SMCO2: variants seen among roughly 807,000 people sequenced by gnomAD.
SMCO2 encodes single-pass membrane and coiled-coil domain-containing protein 2.
Under a neutral mutation model 29.5 loss-of-function variants are expected in SMCO2, and 25 were observed. The ratio of observed to expected loss-of-function variants is 0.85; its 90% CI spans 0.62 to 1.18. The LOEUF is 1.18. Among genes scored for constraint, SMCO2 ranks in the 50% most tolerant of loss-of-function variants. The pLI is 0.00. For synonymous variants in SMCO2, 117 were observed against 123.3 expected (o/e 0.95, Z 0.34); for missense variants, 348 against 344.5 (o/e 1.01, Z -0.08).
At chr12:27,448,673 T>C in the SMCO2 span, among the ~76,000 whole-genome samples, 1 of 152,210 alleles carries the variant, frequency 6.6e-6, no homozygotes, top group African/African-American at 2.4e-5. Context: ...TTTTATAATG[T>C]GGTTCAAGGT....
At chr12:27,496,778 C>A (rs997476012) in intron 7 of SMCO2, among the ~76,000 whole-genome samples, 2 of 150,762 alleles carry the variant, frequency 1.3e-5, no homozygotes, top group Admixed American at 1.3e-4. Flanking sequence ...AGTTTATGTG[C>A]ACACCTTGCA....
At chr12:27,495,724 G>A (rs1235445038) in exon 7 of SMCO2, 2 of 1,533,506 alleles carry the variant, frequency 1.3e-6, no homozygotes, top group Non-Finnish European at 1.8e-6. Context: ...AGCTAAGGAT[G>A]TATCAAATGG....
At chr12:27,501,307 T>G (rs1418717263) in intron 7 of SMCO2, among the ~76,000 whole-genome samples, 2 of 145,224 alleles carry the variant, frequency 1.4e-5, no homozygotes, top group African/African-American at 5.3e-5. Flanking sequence ...TCCCAGCTAC[T>G]CGGGAGGCTG....
chr12:27,466,378 C>T (rs192894487), upstream of SMCO2, among the ~76,000 whole-genome samples: 42 of 152,206 alleles, frequency 2.8e-4, no homozygotes, highest in Admixed American at 5.2e-4. Context: ...CACCTCTGCA[C>T]CCCAGCCTGG....
the SMCO2 span, among the ~76,000 whole-genome samples, chr12:27,447,587 T>C: frequency 6.6e-6 from 1 of 151,774 alleles, no homozygotes; most frequent in African/African-American, 2.4e-5. Context: ...CAAAACCTTG[T>C]CTCTATAAAA....
At chr12:27,481,664 C>G (rs973783553) in intron 4 of SMCO2, among the ~76,000 whole-genome samples, 1 of 152,046 alleles carries the variant, frequency 6.6e-6, no homozygotes, top group Non-Finnish European at 1.5e-5. Flanking sequence ...TATTTTGTAT[C>G]TATTAATTTC....
At chr12:27,487,667 T>C (rs778607725) in intron 4 of SMCO2, among the ~76,000 whole-genome samples, 3 of 152,168 alleles carry the variant, frequency 2.0e-5, no homozygotes, top group Non-Finnish European at 4.4e-5. Context: ...CTGAAACCTT[T>C]TGTTTTTCCA....
intron 4 of SMCO2, among the ~76,000 whole-genome samples, chr12:27,483,206 A>G (rs560701800): frequency 2.3e-4 from 35 of 152,276 alleles, no homozygotes; most frequent in African/African-American, 7.7e-4. Flanking sequence ...CCAGGTACTT[A>G]TGGATTTTCT....
chr12:27,441,891 A>G, the SMCO2 span, among the ~76,000 whole-genome samples: 1 of 152,244 alleles, frequency 6.6e-6, no homozygotes, highest in Non-Finnish European at 1.5e-5. Flanking sequence ...GAATAAAACT[A>G]GAGATCAATA....
At chr12:27,464,175 G>A (rs73082064), upstream of SMCO2, among the ~76,000 whole-genome samples, 6,283 of 152,294 alleles carry the variant, frequency 0.041, 195 homozygotes, top group East Asian at 0.12. Context: ...AGATAGAAGG[G>A]GAGTGGGAGA....
Position 27,494,351 on chromosome 12 carries a change from C to G in SMCO2, c.502C>G (p.Leu168Val), listed in dbSNP as rs894651844. 1.2e-5 allele frequency: 19 copies of G among 1,522,724 alleles called. No homozygotes were observed. The Admixed American group carries it at 4.2e-4, about 34-fold the overall frequency. 94.3% of individuals were successfully genotyped at this position (1,522,724 alleles called of 1,614,324 possible). ...ATTAAAGAAGAAAGTCATAGAAAGG[C>G]TGGAGGTAAGATTTCAGTTACACAA... is the stretch of plus-strand genomic sequence containing the variant. The change falls in exon 6 of 8, where the codon CTG (leucine) becomes GTG (valine). Residue 168 changes from leucine (L) to valine (V), a missense_variant. Coordinates refer to ENST00000298876, the Ensembl canonical transcript of SMCO2.
intron 4 of SMCO2, among the ~76,000 whole-genome samples, chr12:27,477,220 T>G (rs993815331): frequency 4.1e-5 from 5 of 122,464 alleles, no homozygotes; most frequent in Admixed American, 2.6e-4. Flanking sequence ...GTTTTTTTTT[T>G]TTTTTTTTTT....
intron 7 of SMCO2, chr12:27,498,204 C>A: frequency 3.0e-6 from 1 of 331,244 alleles, no homozygotes; most frequent in African/African-American, 2.3e-5. Flanking sequence ...GGAAATACAG[C>A]TGCTTACTTT....
chr12:27,434,858 A>G, the SMCO2 span, among the ~76,000 whole-genome samples: 1 of 152,132 alleles, frequency 6.6e-6, no homozygotes, highest in African/African-American at 2.4e-5. Context: ...GGGCAGCTGC[A>G]GTGACTGAGG....
At chr12:27,432,842 G>A in the SMCO2 span, among the ~76,000 whole-genome samples, 1 of 152,130 alleles carries the variant, frequency 6.6e-6, no homozygotes, top group African/African-American at 2.4e-5. Flanking sequence ...ATGATTACAA[G>A]CATATTAAAC....
intron 4 of SMCO2, among the ~76,000 whole-genome samples, chr12:27,487,310 G>A (rs531914515): frequency 1.0e-3 from 155 of 152,246 alleles, no homozygotes; most frequent in Non-Finnish European, 1.8e-3. Flanking sequence ...TGCTACATAA[G>A]TGAAATCATG....
At chr12:27,439,445 C>A in the SMCO2 span, among the ~76,000 whole-genome samples, 1 of 152,116 alleles carries the variant, frequency 6.6e-6, no homozygotes, top group Non-Finnish European at 1.5e-5. Context: ...GACATATACT[C>A]ACAAGAAACA....
the SMCO2 span, among the ~76,000 whole-genome samples, chr12:27,435,301 CCG>C: frequency 3.7e-3 from 61 of 16,350 alleles, 18 homozygotes; most frequent in East Asian, 0.021. Context: ...CCCCCCCCCC[CCG>C]GCAATTGTGA....
At chr12:27,473,387 G>C (rs933872063) in intron 3 of SMCO2, among the ~76,000 whole-genome samples, 1 of 152,010 alleles carries the variant, frequency 6.6e-6, no homozygotes, top group Admixed American at 6.5e-5. Context: ...CTCTTTGTCT[G>C]TCTTCTCCTC....
Sources: gnomAD v4.1 joint callset for allele counts (sites outside exome capture counted in the v4.1 genomes callset) on GRCh38, gnomAD v4.1.1 for gene constraint, MANE v1.5 for transcripts, NCBI Gene and HGNC (gene_info 2026-07-23, HGNC 2026-07-21) for gene names.